ATP2B2: variants seen among roughly 807,000 people sequenced by gnomAD.
The protein encoded by ATP2B2 is plasma membrane calcium-transporting ATPase 2.
In ATP2B2, 15 loss-of-function variants were observed where a neutral mutation model predicts 120.0. The observed-to-expected ratio is 0.12, with a 90% CI of 0.08 to 0.19. ATP2B2 has a LOEUF of 0.19. ATP2B2 is among the 10% of genes least tolerant of loss of function. The probability of loss-of-function intolerance (pLI) is 1.00; values close to 1 mark genes in which losing one functional copy is unlikely to be tolerated. For missense variants in ATP2B2, 1,045 were observed against 1,719.8 expected, an observed-to-expected ratio of 0.61 and a Z score of 6.94; for synonymous variants, 694 against 700.3, an observed-to-expected ratio of 0.99 and a Z score of 0.14.
chr3:10,660,426 A>T (rs2070750550), intron 1 of ATP2B2, among the ~76,000 whole-genome samples: 1 of 152,222 alleles, frequency 6.6e-6, no homozygotes, highest in African/African-American at 2.4e-5. Context: ...ATCACCAGCG[A>T]TCCCACAGAA....
In ATP2B2 at chr3:10,342,175, G is replaced by T. The variant is rs1340025520; in HGVS notation, c.2917+577C>A. Among the ~76,000 whole-genome samples, 1 of 152,244 alleles carries T rather than the reference G, an allele frequency of 6.6e-6. No individual in the cohort carries two copies. The highest frequency in any genetic ancestry group is 6.5e-5 in the Admixed American group (1 of 15,292). Reference sequence around the variant, plus strand: ...CTGTGCCCAGACTCTTCCTCAGACTGGCTGTGTGCCCTTGGGCAAGTCACC... The same window carrying T: ...CTGTGCCCAGACTCTTCCTCAGACTTGCTGTGTGCCCTTGGGCAAGTCACC... On this transcript the variant is annotated intron_variant, in intron 19 of 22. Transcript: ENST00000360273. This position sits in a 1 kb window ranked among gnomAD's most constrained non-coding sequence, Gnocchi z 4.4.
At chr3:10,525,688 G>A (rs1461345785) in intron 3 of ATP2B2, among the ~76,000 whole-genome samples, 1 of 151,956 alleles carries the variant, frequency 6.6e-6, no homozygotes, top group Non-Finnish European at 1.5e-5. Flanking sequence ...AAATAAATTC[G>A]AATACCTCAG....
chr3:10,540,770 A>G (rs2067420626), intron 2 of ATP2B2, among the ~76,000 whole-genome samples: 1 of 151,302 alleles, frequency 6.6e-6, no homozygotes, highest in African/African-American at 2.4e-5. Context: ...TCTAATGTTA[A>G]TGATGAGTTA....
intron 1 of ATP2B2, among the ~76,000 whole-genome samples, chr3:10,649,674 T>G (rs2125663250): frequency 6.6e-6 from 1 of 152,294 alleles, no homozygotes; most frequent in Admixed American, 6.5e-5. Flanking sequence ...TGATATGGTT[T>G]GGCTGTGTTC....
intron 1 of ATP2B2, among the ~76,000 whole-genome samples, chr3:10,703,194 G>A (rs993668268): frequency 6.6e-6 from 1 of 152,146 alleles, no homozygotes; most frequent in Admixed American, 6.5e-5. Flanking sequence ...CTCAGGAGGC[G>A]GGGTGTCTTC....
intron 2 of ATP2B2, among the ~76,000 whole-genome samples, chr3:10,559,924 T>C (rs1030599567): frequency 1.3e-5 from 2 of 152,228 alleles, no homozygotes; most frequent in African/African-American, 2.4e-5. Flanking sequence ...TTCAAGTTTC[T>C]ACACTGAGTG....
chr3:10,373,350 C>T (rs1449835353), intron 11 of ATP2B2, among the ~76,000 whole-genome samples: 3 of 152,190 alleles, frequency 2.0e-5, no homozygotes, highest in East Asian at 1.9e-4. Flanking sequence ...CAGCCTGGAC[C>T]TTTCTATTGG....
intron 2 of ATP2B2, among the ~76,000 whole-genome samples, chr3:10,610,766 TG>T (rs1381406014): frequency 6.6e-6 from 1 of 152,146 alleles, no homozygotes; most frequent in East Asian, 1.9e-4. Flanking sequence ...TATAAAGATT[TG>T]GGAAGGAAAT....
chr3:10,383,855 T>C (rs1190903577), intron 8 of ATP2B2, among the ~76,000 whole-genome samples: 2 of 152,216 alleles, frequency 1.3e-5, no homozygotes, highest in Admixed American at 6.5e-5. Flanking sequence ...GCTGCCCTTT[T>C]TTCTGAGACT....
intron 10 of ATP2B2, 86 bp downstream of exon 10, chr3:10,378,166 A>G (rs1252603551): frequency 2.0e-6 from 3 of 1,528,182 alleles, no homozygotes; most frequent in East Asian, 4.6e-5. Flanking sequence ...TTTGCAGATG[A>G]GGTAACTGAG....
chr3:10,667,696 C>T (rs2070980402), intron 1 of ATP2B2, among the ~76,000 whole-genome samples: 1 of 152,190 alleles, frequency 6.6e-6, no homozygotes, highest in South Asian at 2.1e-4. Context: ...CCTAAGTTAA[C>T]GTGTCCCCCA....
intron 2 of ATP2B2, among the ~76,000 whole-genome samples, chr3:10,551,173 C>G (rs1245399746): frequency 6.6e-6 from 1 of 152,238 alleles, no homozygotes; most frequent in Non-Finnish European, 1.5e-5. Context: ...TCTACTGCCC[C>G]CTTCTCCCAA....
At chr3:10,664,339 A>T (rs1453515185) in intron 1 of ATP2B2, among the ~76,000 whole-genome samples, 1 of 152,140 alleles carries the variant, frequency 6.6e-6, no homozygotes, top group Admixed American at 6.5e-5. Flanking sequence ...TTAACAACAG[A>T]GTAGCTTCTG....
intron 2 of ATP2B2, among the ~76,000 whole-genome samples, chr3:10,426,864 G>T (rs1421713729): frequency 5.3e-5 from 8 of 151,608 alleles, no homozygotes; most frequent in Admixed American, 5.3e-4. Flanking sequence ...GGGGATAGGA[G>T]GGTGGGGTGG....
intron 1 of ATP2B2, among the ~76,000 whole-genome samples, chr3:10,466,457 T>A (rs1441210321): frequency 6.6e-6 from 1 of 152,062 alleles, no homozygotes; most frequent in African/African-American, 2.4e-5. Flanking sequence ...AGACTATGTG[T>A]GTGTGGTGGG....
chr3:10,522,237 G>C (rs542959637), intron 3 of ATP2B2, among the ~76,000 whole-genome samples: 1 of 152,184 alleles, frequency 6.6e-6, no homozygotes, highest in Non-Finnish European at 1.5e-5. Flanking sequence ...ATTTGAGGAG[G>C]CTTCCTTTTC....
chr3:10,450,065 T>G (rs1178715677), intron 1 of ATP2B2, among the ~76,000 whole-genome samples: 2 of 152,080 alleles, frequency 1.3e-5, no homozygotes, highest in African/African-American at 2.4e-5. Flanking sequence ...CCTCAAGGCA[T>G]AGCCCCATAA....
intron 1 of ATP2B2, among the ~76,000 whole-genome samples, chr3:10,663,466 G>A (rs1449834268): frequency 6.6e-6 from 1 of 152,170 alleles, no homozygotes; most frequent in Non-Finnish European, 1.5e-5. Context: ...CTGCAAGCCT[G>A]ATGCTGAGGG....
intron 2 of ATP2B2, among the ~76,000 whole-genome samples, chr3:10,553,773 A>C (rs1488994899): frequency 6.6e-6 from 1 of 152,092 alleles, no homozygotes; most frequent in Non-Finnish European, 1.5e-5. Context: ...TTATCGAGAT[A>C]ATCCAAAGTT....
Sources: gnomAD v4.1 joint callset for allele counts (sites outside exome capture counted in the v4.1 genomes callset) on GRCh38, gnomAD v4.1.1 for gene constraint, Gnocchi (gnomAD v3.1) non-coding constraint, MANE v1.5 for transcripts, NCBI Gene and HGNC (gene_info 2026-07-23, HGNC 2026-07-21) for gene names.